Variants in RMDN2 observed in about 807,000 individuals in gnomAD.
The protein encoded by RMDN2 is regulator of microtubule dynamics protein 2.
In RMDN2, 61 loss-of-function variants were observed where a neutral mutation model predicts 52.8. That is an observed-to-expected ratio of 1.16 (90% CI 0.94 to 1.43). The LOEUF (loss-of-function observed/expected upper bound fraction) is 1.43. Among genes scored for constraint, RMDN2 ranks in the 40% most tolerant of loss-of-function variants. The pLI is 0.00. For synonymous variants in RMDN2, 180 were observed against 153.1 expected (o/e 1.18, Z -1.30); for missense variants, 592 against 475.3 (o/e 1.25, Z -2.28).
At chr2:38,024,528 A>C (rs1679630556) in intron 10 of RMDN2, among the ~76,000 whole-genome samples, 1 of 152,152 alleles carries the variant, frequency 6.6e-6, no homozygotes, top group Admixed American at 6.5e-5. Context: ...TTCTAATGAC[A>C]AATGATGTTG....
Position 37,964,440 on chromosome 2 carries a change from A to T in RMDN2, c.453-9600A>T, listed in dbSNP as rs575103346. On this transcript the variant is annotated intron_variant, in intron 2 of 10. Coordinates refer to ENST00000354545, the MANE Select transcript of RMDN2 (RefSeq NM_001170791.3). ...TGCCTTGTGATTGCATCTTTGGCCC[A>T]TTGGTTGTTTAAAAGTATGTTTTTT... Among the ~76,000 whole-genome samples the T allele has an allele frequency of 2.6e-5, 4 of 152,224 alleles. No individual in the cohort carries two copies. In the East Asian group the frequency reaches 7.7e-4, roughly 29 times the overall value.
At chr2:38,034,291 C>T (rs868078747) in intron 10 of RMDN2, among the ~76,000 whole-genome samples, 1 of 152,208 alleles carries the variant, frequency 6.6e-6, no homozygotes, top group African/African-American at 2.4e-5. Context: ...GCACAGGCCA[C>T]ATAGGCTCAC....
At chr2:37,979,503 T>C (rs969953878) in intron 4 of RMDN2, among the ~76,000 whole-genome samples, 1 of 152,256 alleles carries the variant, frequency 6.6e-6, no homozygotes, top group African/African-American at 2.4e-5. Context: ...TTATGCTTAG[T>C]ACAGATTTGA....
intron 1 of RMDN2, among the ~76,000 whole-genome samples, chr2:37,926,158 C>A (rs1355843315): frequency 2.0e-5 from 3 of 152,090 alleles, no homozygotes; most frequent in Non-Finnish European, 4.4e-5. Context: ...ATACCTTCCC[C>A]GAGTTTATTA....
chr2:38,040,955 G>A (rs73926994), intron 10 of RMDN2, among the ~76,000 whole-genome samples: 10,500 of 152,092 alleles, frequency 0.069, 398 homozygotes, highest in Middle Eastern at 0.11. Flanking sequence ...TTTTTACCTA[G>A]GTATTTCATT....
chr2:38,029,572 CAAG>C lies in RMDN2; in HGVS notation c.1713+25365_1713+25367del, dbSNP rs1249441898. 2.0e-5 allele frequency: 3 copies of C among 149,438 alleles called. No individual in the cohort carries two copies. In the East Asian group the frequency reaches 5.9e-4, roughly 30 times the overall value. 9.3% of individuals were successfully genotyped at this position (149,438 alleles called of 1,614,324 possible). A position where few individuals can be genotyped will look rare whatever the true frequency, so the allele number is the denominator to read the frequency against. On this transcript the variant is annotated intron_variant, in intron 10 of 10. Coordinates refer to the RMDN2 transcript ENST00000234195. Reference sequence around the variant, plus strand: ...ATTTGTTAAACCAAATTAAACAACTCAAGAAGAAGAAAAACATTTCACGTGTTC... The same window carrying C: ...ATTTGTTAAACCAAATTAAACAACTCAAGAAGAAAAACATTTCACGTGTTC...
Position 37,929,289 on chromosome 2 carries a change from CACAA to C in RMDN2, c.18_21del (p.Asn6LysfsTer3), listed in dbSNP as rs1455692634. The stretch of plus-strand genomic sequence containing the variant: ...ACGAAAACCAAGAAATGCCTTATTC[CACAA>C]ACAAAGAGTTGATACTTGGCATCAT... On this transcript the variant is annotated frameshift_variant, in exon 2 of 11. Coordinates refer to ENST00000354545, the MANE Select transcript of RMDN2 (RefSeq NM_001170791.3). LOFTEE classifies it high-confidence loss of function. 6.6e-7 allele frequency: 1 copy of C among 1,517,856 alleles called. No homozygotes were observed. The highest frequency in any genetic ancestry group is 2.5e-5 in the East Asian group (1 of 40,412). The allele number at this position is 1,517,856 out of a possible 1,614,324, so 94.0% of individuals were successfully genotyped here. A position where few individuals can be genotyped will look rare whatever the true frequency, so the allele number is the denominator to read the frequency against.
In RMDN2 at chr2:37,929,558, G is replaced by C. The variant is rs1349662711; in HGVS notation, c.281G>C (p.Arg94Thr). ...ATGGAAGAACTCAAAGAGGAAATCA[G>C]ATTTCTTAAAGAAGCTATTCCAAAG... ...TNMEELKEEI[R>T]FLKEAIPKLE... The change falls in exon 2 of 11, where the codon AGA becomes ACA. Residue 94 changes from arginine to threonine, a missense_variant. Coordinates refer to ENST00000354545, the MANE Select transcript of RMDN2 (RefSeq NM_001170791.3). The C allele has an allele frequency of 1.3e-6, 2 of 1,551,838 alleles. No individual in the cohort carries two copies. Among genetic ancestry groups the C allele is most frequent in the Non-Finnish European group, 8.7e-7 (1 of 1,146,994 alleles).
chr2:38,038,280 A>C (rs1680728445), intron 10 of RMDN2, among the ~76,000 whole-genome samples: 1 of 152,184 alleles, frequency 6.6e-6, no homozygotes, highest in African/African-American at 2.4e-5. Flanking sequence ...GGACGCGTTC[A>C]AGCGAGGGCG....
At chr2:38,050,371 C>G (rs2125298995) in intron 10 of RMDN2, among the ~76,000 whole-genome samples, 1 of 152,052 alleles carries the variant, frequency 6.6e-6, no homozygotes, top group South Asian at 2.1e-4. Context: ...AAAAAAAAAC[C>G]TTCCCTGACC....
intron 10 of RMDN2, among the ~76,000 whole-genome samples, chr2:38,012,198 G>C (rs1327255296): frequency 1.3e-5 from 2 of 152,116 alleles, no homozygotes; most frequent in African/African-American, 2.4e-5. Flanking sequence ...CCTTCCACTA[G>C]CTTTATTCCT....
chr2:37,958,372 G>A (rs916118159), intron 2 of RMDN2, among the ~76,000 whole-genome samples: 4 of 143,870 alleles, frequency 2.8e-5, no homozygotes, highest in Non-Finnish European at 5.9e-5. Context: ...TCCCCTCTAA[G>A]TTGTATTCCT....
chr2:38,054,434 TA>T (rs1334933448), intron 10 of RMDN2, among the ~76,000 whole-genome samples: 2 of 152,240 alleles, frequency 1.3e-5, no homozygotes, highest in African/African-American at 4.8e-5. Flanking sequence ...AAGTATTTTT[TA>T]AATTTTTGCT....
rs1362798721 is a variant in RMDN2 at position 37,930,570 on chromosome 2, A to G, written c.452+841A>G. ...AGGGCAGGGCGCAGGTGGGACAGGC[A>G]AGAGACAGCACGAGGGACATGGCTT... On this transcript the variant is annotated intron_variant, in intron 2 of 10. Transcript: ENST00000354545. Among the ~76,000 whole-genome samples the G allele has an allele frequency of 3.3e-5, 5 of 152,308 alleles. No homozygotes were observed. In the East Asian group the frequency reaches 9.7e-4, roughly 29 times the overall value.
chr2:38,001,331 G>C (rs1676293462), intron 8 of RMDN2, among the ~76,000 whole-genome samples: 1 of 152,178 alleles, frequency 6.6e-6, no homozygotes. Context: ...ATGATAAAGA[G>C]TGTTCTAAGG....
chr2:38,056,215 C>G (rs1473075469), intron 10 of RMDN2, among the ~76,000 whole-genome samples: 2 of 152,184 alleles, frequency 1.3e-5, no homozygotes, highest in African/African-American at 4.8e-5. Flanking sequence ...CTCTCATCCT[C>G]CCTCCCTGAT....
chr2:37,932,917 AC>A (rs1221807863), intron 2 of RMDN2, among the ~76,000 whole-genome samples: 1 of 117,464 alleles, frequency 8.5e-6, no homozygotes, highest in African/African-American at 3.4e-5. Context: ...CGGGGGGCTG[AC>A]CCCCCCACCT....
intron 2 of RMDN2, among the ~76,000 whole-genome samples, chr2:37,970,025 T>C (rs1472305329): frequency 6.6e-6 from 1 of 152,046 alleles, no homozygotes; most frequent in Non-Finnish European, 1.5e-5. Context: ...CTCAACTTTC[T>C]AGACTCAAGC....
chr2:37,963,726 G>A (rs1670603460), intron 2 of RMDN2, among the ~76,000 whole-genome samples: 1 of 152,174 alleles, frequency 6.6e-6, no homozygotes, highest in South Asian at 2.1e-4. Context: ...TTTCTACACA[G>A]ACACAGCAAC....
Sources: allele counts gnomAD v4.1 joint callset (sites outside exome capture counted in the v4.1 genomes callset), GRCh38; gene constraint gnomAD v4.1.1; transcripts MANE v1.5; gene names NCBI Gene and HGNC (gene_info 2026-07-23, HGNC 2026-07-21).